The following HUWE1 variants were observed in gnomAD, a reference collection of about 807,000 sequenced individuals.
The protein encoded by HUWE1 is HECT, UBA and WWE domain containing E3 ubiquitin protein ligase 1.
A neutral mutation model predicts 299.4 loss-of-function variants in HUWE1; 18 were observed. The ratio of observed to expected loss-of-function variants is 0.06; its 90% CI spans 0.04 to 0.09. The LOEUF is 0.09. HUWE1 is among the 10% of genes least tolerant of loss of function. The pLI is 1.00. For synonymous variants in HUWE1, 1,317 were observed against 1,286.1 expected, an observed-to-expected ratio of 1.02 and a Z score of -0.51; for missense variants, 1,832 against 3,462.3, an observed-to-expected ratio of 0.53 and a Z score of 11.82.
intron 32 of HUWE1, among the ~76,000 whole-genome samples, chrX:53,592,845 T>C (rs1226480431): frequency 2.7e-5 from 3 of 111,837 alleles, no homozygotes; most frequent in East Asian, 2.8e-4. Context: ...CCAAATCTCA[T>C]GCTGAATTGT....
intron 3 of HUWE1, among the ~76,000 whole-genome samples, chrX:53,670,226 T>C (rs1331100899): frequency 1.8e-5 from 2 of 112,127 alleles, no homozygotes; most frequent in African/African-American, 6.5e-5. Flanking sequence ...ACTTTAAAAT[T>C]CCCCTATTTG....
At chrX:53,620,394 G>A (rs1348558125) in intron 19 of HUWE1, among the ~76,000 whole-genome samples, 1 of 109,957 alleles carries the variant, frequency 9.1e-6, no homozygotes, top group East Asian at 2.9e-4. Context: ...TAGCGCACCA[G>A]CATGCCCTGC....
At chrX:53,670,281 C>T (rs918484898) in intron 3 of HUWE1, among the ~76,000 whole-genome samples, 2 of 112,027 alleles carry the variant, frequency 1.8e-5, no homozygotes, top group Non-Finnish European at 3.8e-5. Context: ...CTTTGTATTT[C>T]TACAGATGAC....
chrX:53,617,984 C>T (rs2065894529), intron 19 of HUWE1, among the ~76,000 whole-genome samples: 1 of 112,081 alleles, frequency 8.9e-6, no homozygotes, highest in Non-Finnish European at 1.9e-5. Context: ...AAACTATCAC[C>T]AGCAATGCAA....
intron 2 of HUWE1, among the ~76,000 whole-genome samples, chrX:53,683,485 C>T (rs782602050): frequency 9.0e-6 from 1 of 111,090 alleles, no homozygotes; most frequent in South Asian, 3.8e-4. Context: ...TCTTTCCCAC[C>T]GTTCAATTTA....
At chrX:53,585,774 C>A (rs1170550672) in intron 39 of HUWE1, among the ~76,000 whole-genome samples, 1 of 111,828 alleles carries the variant, frequency 8.9e-6, no homozygotes, top group Non-Finnish European at 1.9e-5. Flanking sequence ...GCAACCTCTG[C>A]CTCCCAGGCT....
chrX:53,537,965 C>A (rs782366863), intron 77 of HUWE1, among the ~76,000 whole-genome samples: 2 of 111,469 alleles, frequency 1.8e-5, no homozygotes, highest in East Asian at 2.8e-4. Flanking sequence ...TATACATGCA[C>A]GAGGAGAAGG....
chrX:53,578,657 C>A (rs782261562), intron 43 of HUWE1, among the ~76,000 whole-genome samples: 1 of 89,829 alleles, frequency 1.1e-5, no homozygotes, highest in South Asian at 5.9e-4. Flanking sequence ...CCCGGCCAGC[C>A]GCCCCATCCG....
intron 43 of HUWE1, among the ~76,000 whole-genome samples, chrX:53,577,710 G>C (rs1177239331): frequency 2.6e-5 from 3 of 113,928 alleles, no homozygotes; most frequent in African/African-American, 9.5e-5. Flanking sequence ...TTTTGGTGGA[G>C]ACGGGGTTTT....
chrX:53,553,894 G>A (rs1414541790), intron 61 of HUWE1, among the ~76,000 whole-genome samples: 5 of 111,706 alleles, frequency 4.5e-5, no homozygotes, highest in Non-Finnish European at 9.4e-5. Context: ...TCTCTCCAGA[G>A]AACTTCACAA....
chrX:53,551,245 A>C, intron 64 of HUWE1, 21 bp downstream of exon 64: 1 of 1,210,633 alleles, frequency 8.3e-7, no homozygotes, highest in Non-Finnish European at 1.1e-6. Context: ...GCCTGGCCCC[A>C]CCACCTTCCC....
At chrX:53,551,571 G>A in intron 63 of HUWE1, 91 bp from the exon 64 acceptor site, 1 of 832,443 alleles carries the variant, frequency 1.2e-6, no homozygotes, top group South Asian at 2.2e-5. Context: ...GAGTGTAGTG[G>A]TGCAACCCTT....
chrX:53,673,901 T>C (rs1557050247), intron 3 of HUWE1, among the ~76,000 whole-genome samples: 1 of 111,250 alleles, frequency 9.0e-6, no homozygotes, highest in Non-Finnish European at 1.9e-5. Flanking sequence ...TCCTCCCAAA[T>C]AAAGTTGTCA....
rs781931547 is a variant in HUWE1, at chrX:53,539,105, TA to T, written c.11633-26del. 1,217 of 1,197,379 alleles carry T rather than the reference TA, an allele frequency of 1.0e-3. 14 individuals are homozygous for T. The East Asian group carries it at 0.03, about 29-fold the overall frequency. ...ACTAGGGTTAGGAATGATGGAGAAG[TA>T]ACATTTTACTCTGCAAACTTCAACA... On this transcript the variant is annotated intron_variant, in intron 75 of 83. Transcript: ENST00000262854.
chrX:53,577,146 G>A (rs1556959603), intron 43 of HUWE1, 79 bp from the exon 44 acceptor site: 2 of 732,679 alleles, frequency 2.7e-6, no homozygotes, highest in Non-Finnish European at 4.3e-6. Flanking sequence ...ACTCAGAAGG[G>A]GGCATGTATG....
rs2064268737 is a variant in HUWE1 at position 53,593,364 on chromosome X, T to C, written c.3741A>G (p.Lys1247=). 8.7e-7 allele frequency: 1 copy of C among 1,154,562 alleles called. No individual in the cohort carries two copies. The highest frequency in any genetic ancestry group is 1.8e-5 in the African/African-American group (1 of 56,714). The stretch of plus-strand genomic sequence containing the variant: ...TGATTTTAGAATACTGAATACTCAC[T>C]TTCTGAGTTACCACAAGGAAGCGCA... The part of the protein sequence containing the change: ...SALRFLVVTQ[K]AAFTCIKNLW... Residue 1247 remains lysine (K), a splice_region_variant and synonymous_variant, in exon 32 of 84, where the codon AAA becomes AAG. Transcript: ENST00000262854.
chrX:53,674,666 G>A (rs930540511), intron 3 of HUWE1, among the ~76,000 whole-genome samples: 1 of 111,728 alleles, frequency 9.0e-6, no homozygotes, highest in Non-Finnish European at 1.9e-5. Context: ...ATGCCTTCTT[G>A]TAAACTGCTA....
chrX:53,545,018 C>T lies in HUWE1; in HGVS notation c.11048+11G>A, dbSNP rs1556921529. 8.3e-7 allele frequency: 1 copy of T among 1,208,402 alleles called. No individual in the cohort carries two copies. The highest frequency in any genetic ancestry group is 1.1e-6 in the Non-Finnish European group (1 of 892,485). ...ATTCAAGCCCCCAGCCAAAGGGTGGCTACCACCCACCTGCTCTGCATTTTG... is the reference window on the plus strand; with the variant it reads ...ATTCAAGCCCCCAGCCAAAGGGTGGTTACCACCCACCTGCTCTGCATTTTG... On this transcript the variant is annotated intron_variant, in intron 71 of 83. Coordinates refer to ENST00000262854, the MANE Select transcript of HUWE1 (RefSeq NM_031407.7).
rs1557035487 is a variant in HUWE1, at chrX:53,645,760, T to A, written c.352-297A>T. 3.4e-5 allele frequency among the ~76,000 whole-genome samples: 3 copies of A among 87,983 alleles called. 1 individual carries two copies. The highest frequency in any genetic ancestry group is 1.3e-4 in the African/African-American group (3 of 22,450). The allele number at this position is 87,983 out of a possible 115,157, so 76.4% of individuals were successfully genotyped here. ...AAATATATATATATATATATATATA[T>A]ATATATATATATATATGTATTTGAT... On this transcript the variant is annotated intron_variant, in intron 6 of 83. Coordinates refer to ENST00000262854, the MANE Select transcript of HUWE1 (RefSeq NM_031407.7).
Sources: allele counts gnomAD v4.1 joint callset (sites outside exome capture counted in the v4.1 genomes callset), GRCh38; gene constraint gnomAD v4.1.1; transcripts MANE v1.5; gene names NCBI Gene and HGNC (gene_info 2026-07-23, HGNC 2026-07-21).